The following AMOTL1 variants were observed in gnomAD, a reference collection of about 807,000 sequenced individuals.
AMOTL1 encodes the protein angiomotin-like protein 1.
A neutral mutation model predicts 102.9 loss-of-function variants in AMOTL1; 45 were observed. The observed-to-expected ratio is 0.44, with a 90% CI of 0.34 to 0.56. The LOEUF (loss-of-function observed/expected upper bound fraction) is 0.56. Ranked by LOEUF, AMOTL1 falls within the 20% of genes least tolerant of loss-of-function variation. The probability of loss-of-function intolerance (pLI) is 0.01; values close to 1 mark genes in which losing one functional copy is unlikely to be tolerated. For synonymous variants in AMOTL1, 481 were observed against 484.7 expected (o/e 0.99, Z 0.10); for missense variants, 1,114 against 1,225.6 (o/e 0.91, Z 1.36).
At chr11:94,854,928 A>G (rs1475844212) in intron 8 of AMOTL1, among the ~76,000 whole-genome samples, 1 of 152,212 alleles carries the variant, frequency 6.6e-6, no homozygotes, top group Non-Finnish European at 1.5e-5. Context: ...ACAACTGAGC[A>G]TGTAACTCAG....
At chr11:94,840,679 TATACACACACAC>T (rs1470053738) in intron 6 of AMOTL1, among the ~76,000 whole-genome samples, 14 of 129,368 alleles carry the variant, frequency 1.1e-4, no homozygotes, top group East Asian at 6.6e-4. Flanking sequence ...TATATATATA[TATACACACACAC>T]ACACACACAC....
At chr11:94,719,594 G>A (rs542489670) in intron 1 of AMOTL1, among the ~76,000 whole-genome samples, 1 of 152,062 alleles carries the variant, frequency 6.6e-6, no homozygotes, top group African/African-American at 2.4e-5. Context: ...GTGTGAGAGA[G>A]AGAGAGATTT....
intron 6 of AMOTL1, among the ~76,000 whole-genome samples, chr11:94,839,565 G>A (rs561291773): frequency 6.6e-6 from 1 of 152,328 alleles, no homozygotes; most frequent in South Asian, 2.1e-4. Context: ...TGAGTGGAGA[G>A]ATGTTAGAAT....
intron 7 of AMOTL1, among the ~76,000 whole-genome samples, chr11:94,851,713 T>C (rs564122472): frequency 2.0e-5 from 3 of 152,256 alleles, no homozygotes; most frequent in Non-Finnish European, 4.4e-5. Flanking sequence ...TACCTCCTCT[T>C]CCTGTTGTTA....
chr11:94,773,425 C>T (rs1950981607), intron 1 of AMOTL1, among the ~76,000 whole-genome samples: 1 of 152,142 alleles, frequency 6.6e-6, no homozygotes, highest in African/African-American at 2.4e-5. Flanking sequence ...GCTTATAAAC[C>T]ATCTATTAGG....
intron 6 of AMOTL1, among the ~76,000 whole-genome samples, chr11:94,834,985 A>T (rs769421276): frequency 2.2e-4 from 33 of 152,226 alleles, no homozygotes; most frequent in Non-Finnish European, 4.1e-4. Flanking sequence ...TGAAGTGGAC[A>T]TGAAACAGGC....
At chr11:94,718,663 G>T (rs778749255) in intron 1 of AMOTL1, among the ~76,000 whole-genome samples, 1 of 151,764 alleles carries the variant, frequency 6.6e-6, no homozygotes, top group African/African-American at 2.4e-5. Context: ...TTTGAGTGTT[G>T]CATTGAATAT....
rs1020432440 is a variant in AMOTL1, at chr11:94,795,108, T to A, written c.147T>A (p.His49Gln). The change falls in exon 2 of 13, where the codon CAT becomes CAA. Residue 49 changes from histidine (H) to glutamine (Q), a missense_variant. Physicochemically the swap from His to Gln is conservative, Grantham distance 24. Transcript: ENST00000433060. ...ACTTTCAGCTCTATTCTGGGAGGCA[T>A]GAAACATCTGCTTTGACGGTGGAGG... is the stretch of plus-strand genomic sequence containing the variant. ...SPDFQLYSGR[H>Q]ETSALTVEAT... The A allele has an allele frequency of 6.2e-7, 1 of 1,613,818 alleles. No individual in the cohort carries two copies. The highest frequency in any genetic ancestry group is 8.5e-7 in the Non-Finnish European group (1 of 1,179,866).
In AMOTL1 at chr11:94,835,582, T is replaced by C. The variant is rs76089076; in HGVS notation, c.1648+4041T>C. On this transcript the variant is annotated intron_variant, in intron 6 of 12. Coordinates refer to ENST00000433060, the MANE Select transcript of AMOTL1 (RefSeq NM_130847.3). ...ATTTCATTTTATTGGGGTTTTTAAATAGTTATGTTGGAGCTTTGTTGTATT... is the reference window on the plus strand; with the variant it reads ...ATTTCATTTTATTGGGGTTTTTAAACAGTTATGTTGGAGCTTTGTTGTATT... 1.3e-3 allele frequency among the ~76,000 whole-genome samples: 204 copies of C among 152,374 alleles called. 1 individual carries two copies. The highest frequency in any genetic ancestry group is 4.6e-3 in the African/African-American group (192 of 41,588).
chr11:94,776,730 G>C (rs1951029989), intron 1 of AMOTL1, among the ~76,000 whole-genome samples: 1 of 152,212 alleles, frequency 6.6e-6, no homozygotes, highest in Admixed American at 6.5e-5. Context: ...GTGTGAAGCA[G>C]GCCTTTTCCT....
intron 2 of AMOTL1, among the ~76,000 whole-genome samples, chr11:94,795,621 T>C (rs1396850440): frequency 1.3e-5 from 2 of 152,234 alleles, no homozygotes; most frequent in Non-Finnish European, 2.9e-5. Context: ...CTTTTGAGAC[T>C]GGTTAAACTG....
chr11:94,714,816 C>A (rs1411215137), intron 1 of AMOTL1, among the ~76,000 whole-genome samples: 5 of 151,984 alleles, frequency 3.3e-5, no homozygotes, highest in Non-Finnish European at 7.4e-5. Context: ...CACTAATAAC[C>A]AGCTTTTTAT....
chr11:94,867,308 C>A (rs942235142), intron 11 of AMOTL1, among the ~76,000 whole-genome samples: 1 of 152,210 alleles, frequency 6.6e-6, no homozygotes, highest in Non-Finnish European at 1.5e-5. Context: ...TCATCAAAGA[C>A]TGTCCCAAGG....
intron 11 of AMOTL1, among the ~76,000 whole-genome samples, chr11:94,867,477 T>C (rs1465629478): frequency 1.3e-5 from 2 of 152,224 alleles, no homozygotes; most frequent in South Asian, 2.1e-4. Flanking sequence ...TGTGCCCGTA[T>C]GCCCCAGGAC....
chr11:94,793,314 C>CAGAA (rs1357022531), intron 1 of AMOTL1, among the ~76,000 whole-genome samples: 1 of 152,168 alleles, frequency 6.6e-6, no homozygotes, highest in Admixed American at 6.6e-5. Context: ...AATGAAGGCA[C>CAGAA]AGAAAGGTGT....
intron 1 of AMOTL1, among the ~76,000 whole-genome samples, chr11:94,708,135 T>C (rs996333314): frequency 1.2e-4 from 18 of 152,312 alleles, no homozygotes; most frequent in African/African-American, 3.8e-4. Flanking sequence ...GCCTGAGTTA[T>C]TGCATTATCC....
chr11:94,784,051 A>C (rs1274060254), intron 1 of AMOTL1, among the ~76,000 whole-genome samples: 1 of 152,140 alleles, frequency 6.6e-6, no homozygotes. Flanking sequence ...GGAGAAAAAG[A>C]AACCTAATTC....
chr11:94,823,895 T>C (rs1951915825), intron 4 of AMOTL1, among the ~76,000 whole-genome samples: 1 of 149,834 alleles, frequency 6.7e-6, no homozygotes. Flanking sequence ...TTTTTTTTTG[T>C]ATTTTAGTAG....
chr11:94,859,588 G>T lies in AMOTL1; in HGVS notation c.2008G>T (p.Val670Leu). 2 of 1,613,938 alleles carry T rather than the reference G, an allele frequency of 1.2e-6. No individual in the cohort carries two copies. The highest frequency in any genetic ancestry group is 1.7e-6 in the Non-Finnish European group (2 of 1,179,882). ...CAATGCCCCAGCCCTCCTGGAACTTGTGCGGGAGAAGGAGGAGCGGATCCT... is the reference window on the plus strand; with the variant it reads ...CAATGCCCCAGCCCTCCTGGAACTTTTGCGGGAGAAGGAGGAGCGGATCCT... ...EYNAPALLEL[V>L]REKEERILAL... is the part of the protein sequence containing the mutation. The change falls in exon 9 of 13, where the codon GTG (valine) becomes TTG (leucine). Residue 670 changes from valine (V) to leucine (L), a missense_variant. Physicochemically the swap from Val to Leu is conservative, Grantham distance 32. Transcript: ENST00000433060.
Sources: allele counts gnomAD v4.1 joint callset (sites outside exome capture counted in the v4.1 genomes callset), GRCh38; gene constraint gnomAD v4.1.1; transcripts MANE v1.5; gene names NCBI Gene and HGNC (gene_info 2026-07-23, HGNC 2026-07-21).